ICE1: variants seen among roughly 807,000 people sequenced by gnomAD.
ICE1 encodes the protein interactor of little elongation complex ELL subunit 1, also known as little elongation complex subunit 1.
Under a neutral mutation model 192.7 loss-of-function variants are expected in ICE1, and 64 were observed. The ratio of observed to expected loss-of-function variants is 0.33; its 90% CI spans 0.27 to 0.41. The LOEUF is 0.41. Among genes scored for constraint, ICE1 ranks in the 10% least tolerant of loss-of-function variants. The probability of loss-of-function intolerance (pLI) is 1.00; values close to 1 mark genes in which losing one functional copy is unlikely to be tolerated. For synonymous variants in ICE1, 1,010 were observed against 984.5 expected, an observed-to-expected ratio of 1.03 and a Z score of -0.49; for missense variants, 2,708 against 2,696.0, an observed-to-expected ratio of 1.00 and a Z score of -0.10.
rs140271192 is a variant in ICE1 at position 5,484,857 on chromosome 5, T to C, written c.6521-1864T>C. Among the ~76,000 whole-genome samples, 910 of 152,318 alleles carry C rather than the reference T, an allele frequency of 6.0e-3. 9 individuals are homozygous for C. Among genetic ancestry groups the C allele is most frequent in the African/African-American group, 0.021 (864 of 41,566 alleles). On this transcript the variant is annotated intron_variant, in intron 17 of 18. Transcript: ENST00000296564. ...GAGAGAGAATGTGAACACAGAACGC[T>C]GAGCATACAATATGATACTGTTGTA...
At chr5:5,436,746 C>T (rs1002594112) in intron 2 of ICE1, among the ~76,000 whole-genome samples, 4 of 152,142 alleles carry the variant, frequency 2.6e-5, no homozygotes, top group Admixed American at 2.6e-4. Flanking sequence ...GTCTTCAAAG[C>T]CTTCTTAGCT....
chr5:5,484,496 A>G (rs529457042), intron 17 of ICE1, among the ~76,000 whole-genome samples: 1 of 152,328 alleles, frequency 6.6e-6, no homozygotes, highest in Admixed American at 6.5e-5. Context: ...GATTGCAAAG[A>G]GATATTTGAA....
intron 17 of ICE1, 57 bp downstream of exon 17, chr5:5,476,136 C>T: frequency 2.1e-6 from 2 of 951,994 alleles, no homozygotes; most frequent in Non-Finnish European, 2.9e-6. Context: ...TGGTGGAAGG[C>T]TGGGGGGTTA....
At chr5:5,442,477 A>C (rs1031768796) in intron 5 of ICE1, among the ~76,000 whole-genome samples, 3 of 152,256 alleles carry the variant, frequency 2.0e-5, no homozygotes, top group Non-Finnish European at 4.4e-5. Context: ...ATTTGGTTAT[A>C]TAATCTTTTC....
intron 18 of ICE1, among the ~76,000 whole-genome samples, chr5:5,488,118 G>A (rs1462141574): frequency 6.6e-6 from 1 of 152,144 alleles, no homozygotes; most frequent in Non-Finnish European, 1.5e-5. Context: ...TGGCCTTACT[G>A]TGTGCCCCGT....
intron 10 of ICE1, among the ~76,000 whole-genome samples, chr5:5,454,334 AAAGC>A (rs745983112): frequency 3.3e-5 from 5 of 152,302 alleles, no homozygotes; most frequent in Admixed American, 6.5e-5. Context: ...TTTTTTTAAA[AAAGC>A]AAACAAAAGT....
Position 5,466,341 on chromosome 5 carries a change from CAG to C in ICE1, c.5903_5904del (p.Glu1968ValfsTer51). On this transcript the variant is annotated frameshift_variant, in exon 14 of 19. Transcript: ENST00000296564. LOFTEE classifies it high-confidence loss of function. ...ATTTTTTTTTCAATCCAGCATTTAGCAGAGTGCTTGCTTCACTCTATTCTCTC... is the reference window on the plus strand; with the variant it reads ...ATTTTTTTTTCAATCCAGCATTTAGCAGTGCTTGCTTCACTCTATTCTCTC... The C allele has an allele frequency of 6.3e-7, 1 of 1,599,902 alleles. No individual in the cohort carries two copies. Among genetic ancestry groups the C allele is most frequent in the Non-Finnish European group, 8.5e-7 (1 of 1,175,068 alleles).
Position 5,465,087 on chromosome 5 carries a change from C to T in ICE1, c.5753C>T (p.Ala1918Val). Residue 1918 changes from alanine (A) to valine (V), a missense_variant, in exon 13 of 19, where the codon GCC becomes GTC. By Grantham distance (64) the Ala-to-Val change is moderately conservative (BLOSUM62 0). This residue lies in a region of ICE1 where 2,366 missense variants were observed against 2,276.6 expected (regional missense o/e 1.04). Coordinates refer to ENST00000296564, the MANE Select transcript of ICE1 (RefSeq NM_015325.3). The stretch of plus-strand genomic sequence containing the variant: ...TCCCATGATAAAGCCATAGCTAATG[C>T]CCTGAAGAAAATTGCAGAGTTTTCT... ...VESHDKAIAN[A>V]LKKIAEFSFD... 1 of 1,613,730 alleles carries T rather than the reference C, an allele frequency of 6.2e-7. No individual in the cohort carries two copies. The highest frequency in any genetic ancestry group is 8.5e-7 in the Non-Finnish European group (1 of 1,179,770).
chr5:5,456,441 T>C (rs2111369134), intron 11 of ICE1, among the ~76,000 whole-genome samples: 1 of 152,332 alleles, frequency 6.6e-6, no homozygotes, highest in African/African-American at 2.4e-5. Context: ...GGAAGAGCTG[T>C]TCCTTATCTA....
chr5:5,429,425 G>T (rs1015456451), intron 1 of ICE1, among the ~76,000 whole-genome samples: 8 of 152,152 alleles, frequency 5.3e-5, no homozygotes, highest in African/African-American at 1.7e-4. Flanking sequence ...AGGCCTGCTG[G>T]GTTAATTGTT....
In ICE1 at chr5:5,461,110, G is replaced by A. The variant is rs1365961182; in HGVS notation, c.1776G>A (p.Leu592=). Residue 592 remains leucine (L), a synonymous_variant, in exon 13 of 19, where the codon TTG becomes TTA. Transcript: ENST00000296564. ...ATTTTCACAGACTATCTAGAGAATT[G>A]GAAAAGGAAAAAGAAGATACTCAAG... ...SGHFHRLSRE[L]EKEKEDTQGF... The A allele has an allele frequency of 2.5e-6, 4 of 1,613,814 alleles. No individual in the cohort carries two copies. Among genetic ancestry groups the A allele is most frequent in the Non-Finnish European group, 8.5e-7 (1 of 1,179,876 alleles).
At chr5:5,436,112 A>G (rs1246611547) in intron 1 of ICE1, among the ~76,000 whole-genome samples, 1 of 152,086 alleles carries the variant, frequency 6.6e-6, no homozygotes, top group Non-Finnish European at 1.5e-5. Context: ...ATGCAGGGTA[A>G]AGATTGATGA....
intron 10 of ICE1, among the ~76,000 whole-genome samples, chr5:5,448,834 G>T (rs918755750): frequency 2.6e-5 from 4 of 151,950 alleles, no homozygotes; most frequent in Non-Finnish European, 5.9e-5. Flanking sequence ...CAGCTGCCTG[G>T]GCATTGATTG....
chr5:5,437,177 A>T, intron 3 of ICE1, 63 bp downstream of exon 3: 1 of 1,290,942 alleles, frequency 7.7e-7, no homozygotes. Flanking sequence ...TTCCTGAAAG[A>T]GATGTGAGAA....
At position 5,475,780 on chromosome 5, in the gene ICE1, C is replaced by T. The variant is rs1447075458; in HGVS notation, c.6414-193C>T. Among the ~76,000 whole-genome samples the T allele has an allele frequency of 3.3e-5, 5 of 152,302 alleles. No homozygotes were observed. In the South Asian group the frequency reaches 8.3e-4, roughly 25 times the overall value. On this transcript the variant is annotated intron_variant, in intron 16 of 18. Coordinates refer to ENST00000296564, the MANE Select transcript of ICE1 (RefSeq NM_015325.3). ...GATGCAAGCACTGAATTTGCAGCCACGTTTAAGCTAGCATGGGCACAACTA... is the reference window on the plus strand; with the variant it reads ...GATGCAAGCACTGAATTTGCAGCCATGTTTAAGCTAGCATGGGCACAACTA...
chr5:5,455,112 A>G (rs1738547042), intron 11 of ICE1, among the ~76,000 whole-genome samples: 1 of 152,244 alleles, frequency 6.6e-6, no homozygotes, highest in Admixed American at 6.5e-5. Flanking sequence ...GCTGTCTTGT[A>G]TAAGATTAAA....
chr5:5,446,012 C>T (rs1222744502), intron 7 of ICE1, among the ~76,000 whole-genome samples: 2 of 151,652 alleles, frequency 1.3e-5, no homozygotes, highest in Non-Finnish European at 2.9e-5. Flanking sequence ...AGTCACCGCG[C>T]CTGGCCCACT....
chr5:5,471,199 A>G (rs1389156362), intron 15 of ICE1, among the ~76,000 whole-genome samples: 4 of 152,218 alleles, frequency 2.6e-5, no homozygotes, highest in African/African-American at 7.2e-5. Flanking sequence ...AAGTAGACAT[A>G]TAGGACACAG....
chr5:5,464,661 C>T lies in ICE1; in HGVS notation c.5327C>T (p.Thr1776Ile). 1 of 1,613,798 alleles carries T rather than the reference C, an allele frequency of 6.2e-7. No individual in the cohort carries two copies. Among genetic ancestry groups the T allele is most frequent in the South Asian group, 1.1e-5 (1 of 91,028 alleles). ...LNILKGNIQL[T>I]RGPPADCKNL... is the part of the protein sequence containing the mutation. ...ATCCTCAAAGGGAATATTCAACTCA[C>T]ACGAGGTCCGCCTGCTGACTGTAAG... Residue 1776 changes from threonine (T) to isoleucine (I), a missense_variant, in exon 13 of 19, where the codon ACA becomes ATA. By Grantham distance (89) the Thr-to-Ile change is moderately conservative. Transcript: ENST00000296564. The surrounding 1 kb of genome is among the most constrained non-coding windows in gnomAD (Gnocchi z 4.0).
Sources: gnomAD v4.1 joint callset for allele counts (sites outside exome capture counted in the v4.1 genomes callset) on GRCh38, gnomAD v4.1.1 for gene constraint, gnomAD v4.1.1 regional missense constraint, Gnocchi (gnomAD v3.1) non-coding constraint, MANE v1.5 for transcripts, NCBI Gene and HGNC (gene_info 2026-07-23, HGNC 2026-07-21) for gene names.